Variants in PPP2R2B observed in about 807,000 individuals in gnomAD.
PPP2R2B encodes serine/threonine-protein phosphatase 2A 55 kDa regulatory subunit B beta isoform.
A neutral mutation model predicts 46.0 loss-of-function variants in PPP2R2B; 5 were observed. The observed-to-expected ratio is 0.11, with a 90% CI of 0.06 to 0.23. PPP2R2B has a LOEUF of 0.23. Ranked by LOEUF, PPP2R2B falls within the 10% of genes least tolerant of loss-of-function variation. The probability of loss-of-function intolerance (pLI) is 1.00; values close to 1 mark genes in which losing one functional copy is unlikely to be tolerated. For missense variants in PPP2R2B, 367 were observed against 575.0 expected, an observed-to-expected ratio of 0.64 and a Z score of 3.70; for synonymous variants, 215 against 206.7, an observed-to-expected ratio of 1.04 and a Z score of -0.34.
In PPP2R2B at chr5:146,772,641, C is replaced by A. The variant is rs1754942097; in HGVS notation, c.71-71499G>T. Among the ~76,000 whole-genome samples the A allele has an allele frequency of 3.9e-5, 6 of 152,044 alleles. No homozygotes were observed. In the South Asian group the frequency reaches 1.0e-3, roughly 26 times the overall value. ...CACTAATGCAACCAAAAAAACTGCT[C>A]TTCAGGGGCCTAGCCATGGAACTCC... is the stretch of plus-strand genomic sequence containing the variant. On this transcript the variant is annotated intron_variant, in intron 2 of 9. Transcript: ENST00000394411.
At chr5:147,002,365 A>G (rs1452044090) in intron 1 of PPP2R2B, among the ~76,000 whole-genome samples, 1 of 152,160 alleles carries the variant, frequency 6.6e-6, no homozygotes, top group African/African-American at 2.4e-5. Context: ...TTCTGTTCAT[A>G]TAAGTGAGGA....
chr5:146,844,293 T>C (rs1184934095), intron 2 of PPP2R2B, among the ~76,000 whole-genome samples: 1 of 150,824 alleles, frequency 6.6e-6, no homozygotes, highest in Non-Finnish European at 1.5e-5. Flanking sequence ...GCATGGCACA[T>C]GTATACATAT....
chr5:147,032,508 C>A (rs1192402657), intron 1 of PPP2R2B, among the ~76,000 whole-genome samples: 1 of 151,910 alleles, frequency 6.6e-6, no homozygotes, highest in Non-Finnish European at 1.5e-5. Context: ...CTCTCACCCC[C>A]CTCTCCCTCT....
chr5:146,970,155 A>G (rs1752601056), intron 1 of PPP2R2B, among the ~76,000 whole-genome samples: 2 of 152,160 alleles, frequency 1.3e-5, no homozygotes, highest in Non-Finnish European at 2.9e-5. Context: ...CCCATTTTGC[A>G]GATGAGGAAA....
In PPP2R2B at chr5:146,593,036, C is replaced by T. The variant is rs1208323511; in HGVS notation, c.987G>A (p.Leu329=). 6.2e-7 allele frequency: 1 copy of T among 1,613,898 alleles called. No individual in the cohort carries two copies. The highest frequency in any genetic ancestry group is 2.2e-5 in the East Asian group (1 of 44,880). ...TGCAGTCATTTTCATAGAGGGAACA[C>T]AGCTTGCTGCGGAGGTAGTCATGAA... The part of the protein sequence containing the change: ...YQVHDYLRSK[L]CSLYENDCIF... The change falls in exon 9 of 10, where the codon CTG becomes CTA. Residue 329 remains leucine (L), a synonymous_variant. Transcript: ENST00000394411.
chr5:146,883,739 G>T (rs1035499189), upstream of PPP2R2B, among the ~76,000 whole-genome samples: 5 of 152,180 alleles, frequency 3.3e-5, no homozygotes, highest in African/African-American at 4.8e-5. Context: ...TCCTGTTTGT[G>T]CATGCTACAA....
At chr5:146,997,566 A>G (rs1420351577) in intron 1 of PPP2R2B, among the ~76,000 whole-genome samples, 1 of 152,198 alleles carries the variant, frequency 6.6e-6, no homozygotes, top group African/African-American at 2.4e-5. Flanking sequence ...CTTTTTAACA[A>G]ACCCTGCAGT....
chr5:146,650,260 A>G (rs745822585), intron 6 of PPP2R2B, among the ~76,000 whole-genome samples: 1 of 152,194 alleles, frequency 6.6e-6, no homozygotes, highest in Non-Finnish European at 1.5e-5. Flanking sequence ...TATTGTTGAT[A>G]AAATCACCTC....
At chr5:146,944,469 C>A (rs1388768323) in intron 1 of PPP2R2B, among the ~76,000 whole-genome samples, 2 of 152,158 alleles carry the variant, frequency 1.3e-5, no homozygotes, top group African/African-American at 4.8e-5. Flanking sequence ...GATTAAATAA[C>A]AGCAGCATTC....
intron 1 of PPP2R2B, among the ~76,000 whole-genome samples, chr5:146,981,225 G>C (rs1753161832): frequency 6.6e-6 from 1 of 151,966 alleles, no homozygotes; most frequent in African/African-American, 2.4e-5. Flanking sequence ...CTTCATTCAG[G>C]GTTCAGTTTT....
At chr5:146,825,189 C>T (rs547419914) in intron 2 of PPP2R2B, among the ~76,000 whole-genome samples, 8 of 152,184 alleles carry the variant, frequency 5.3e-5, no homozygotes, top group Admixed American at 4.6e-4. Context: ...ATAGACACGA[C>T]TTTGTTCATG....
chr5:146,898,235 C>T (rs758602827), intron 1 of PPP2R2B, among the ~76,000 whole-genome samples: 2 of 152,206 alleles, frequency 1.3e-5, no homozygotes, highest in Non-Finnish European at 2.9e-5. Flanking sequence ...TGTAGATATG[C>T]AGCATTATTT....
chr5:147,039,902 A>C (rs1756215221), intron 1 of PPP2R2B, among the ~76,000 whole-genome samples: 1 of 152,166 alleles, frequency 6.6e-6, no homozygotes, highest in Non-Finnish European at 1.5e-5. Context: ...AGGGACCAAC[A>C]AATGGCCCAA....
intron 5 of PPP2R2B, among the ~76,000 whole-genome samples, chr5:146,685,473 T>C (rs1228183033): frequency 6.6e-6 from 1 of 152,258 alleles, no homozygotes; most frequent in Non-Finnish European, 1.5e-5. Flanking sequence ...TAATCAGTTC[T>C]CTAGGAGACA....
At chr5:146,826,098 C>T (rs1758563946) in intron 2 of PPP2R2B, among the ~76,000 whole-genome samples, 1 of 152,178 alleles carries the variant, frequency 6.6e-6, no homozygotes, top group South Asian at 2.1e-4. Context: ...TCTCAGTCAT[C>T]TCTAGGCTCA....
intron 5 of PPP2R2B, among the ~76,000 whole-genome samples, chr5:146,671,533 T>C (rs892036474): frequency 3.9e-5 from 6 of 152,234 alleles, no homozygotes; most frequent in East Asian, 1.9e-4. Flanking sequence ...CATGACACAG[T>C]AGTGCCTAAT....
At position 147,055,876 on chromosome 5, in the gene PPP2R2B, T is replaced by C. The variant is rs959972048; in HGVS notation, c.-133A>G. The C allele has an allele frequency of 2.9e-5, 42 of 1,457,986 alleles. No individual in the cohort carries two copies. The Admixed American group carries it at 9.4e-4, about 33-fold the overall frequency. The allele number at this position is 1,457,986 out of a possible 1,614,324, so 90.3% of individuals were successfully genotyped here. A position where few individuals can be genotyped will look rare whatever the true frequency, so the allele number is the denominator to read the frequency against. ...CTTTCCCAGATTTGCAAAGCTGGGGTGCCCGAGGAATAACTGGAGATGGGT... is the reference window on the plus strand; with the variant it reads ...CTTTCCCAGATTTGCAAAGCTGGGGCGCCCGAGGAATAACTGGAGATGGGT... On this transcript the variant is annotated 5_prime_UTR_variant, in exon 1 of 9. Coordinates refer to the PPP2R2B transcript ENST00000336640.
At chr5:146,880,362 C>T (rs1431255872), upstream of PPP2R2B, among the ~76,000 whole-genome samples, 1 of 152,126 alleles carries the variant, frequency 6.6e-6, no homozygotes, top group Non-Finnish European at 1.5e-5. Flanking sequence ...TTGATTTAAT[C>T]CACTTCAGTA....
At chr5:146,691,542 AG>A (rs777011645) in intron 4 of PPP2R2B, among the ~76,000 whole-genome samples, 8 of 152,224 alleles carry the variant, frequency 5.3e-5, no homozygotes, top group African/African-American at 9.6e-5. Flanking sequence ...TTGAATAATA[AG>A]AGTGCAACAT....
Sources: gnomAD v4.1 joint callset for allele counts (sites outside exome capture counted in the v4.1 genomes callset) on GRCh38, gnomAD v4.1.1 for gene constraint, MANE v1.5 for transcripts, NCBI Gene and HGNC (gene_info 2026-07-23, HGNC 2026-07-21) for gene names.